Variants in MGAT4C observed in about 807,000 individuals in gnomAD.
MGAT4C encodes MGAT4 family member C, also known as alpha-1,3-mannosyl-glycoprotein 4-beta-N-acetylglucosaminyltransferase C.
In MGAT4C, 19 loss-of-function variants were observed where a neutral mutation model predicts 40.1. That is an observed-to-expected ratio of 0.47 (90% CI 0.33 to 0.70). The LOEUF is 0.70. Ranked by LOEUF, MGAT4C falls within the 30% of genes least tolerant of loss-of-function variation. The pLI is 0.02. For missense variants in MGAT4C, 491 were observed against 563.2 expected (o/e 0.87, Z 1.30); for synonymous variants, 181 against 187.1 (o/e 0.97, Z 0.27).
chr12:86,166,627 G>A (rs1250309436), intron 1 of MGAT4C, among the ~76,000 whole-genome samples: 1 of 152,036 alleles, frequency 6.6e-6, no homozygotes, highest in Non-Finnish European at 1.5e-5. Flanking sequence ...AGATGGGATC[G>A]TGTCACCACA....
chr12:85,979,369 T>A lies in MGAT4C; in HGVS notation c.1357A>T (p.Ile453Leu), dbSNP rs1345521175. Reference sequence around the variant, plus strand: ...GTGACATATATCCTCATACAATGTATATCAAATGGAATTTTTTGATTTACA... The same window carrying A: ...GTGACATATATCCTCATACAATGTAAATCAAATGGAATTTTTTGATTTACA... ...SGVNQKIPFD[I>L]HCMRIYVTKT... is the part of the protein sequence containing the mutation. The change falls in exon 5 of 5, where the codon ATA (isoleucine) becomes TTA (leucine). Residue 453 changes from isoleucine (I) to leucine (L), a missense_variant. Coordinates refer to ENST00000611864, the MANE Select transcript of MGAT4C (RefSeq NM_001351288.2). The A allele has an allele frequency of 9.3e-6, 15 of 1,612,196 alleles. No individual in the cohort carries two copies. The highest frequency in any genetic ancestry group is 1.3e-5 in the Non-Finnish European group (15 of 1,178,740).
At chr12:86,735,178 A>C (rs1305565363) in intron 1 of MGAT4C, among the ~76,000 whole-genome samples, 2 of 152,006 alleles carry the variant, frequency 1.3e-5, no homozygotes, top group African/African-American at 4.8e-5. Context: ...AGTCAAGAAT[A>C]TTTTAAACAC....
intron 4 of MGAT4C, among the ~76,000 whole-genome samples, chr12:86,264,884 C>T (rs993807651): frequency 3.3e-5 from 5 of 152,216 alleles, no homozygotes; most frequent in African/African-American, 1.2e-4. Flanking sequence ...GCAGTGCTGA[C>T]ACATCAGGCC....
At position 85,956,423 on chromosome 12, in the gene MGAT4C, T is replaced by G. The variant is rs1882797945; in HGVS notation, c.*22866A>C. The G allele has an allele frequency of 6.6e-6, 1 of 152,204 alleles. No homozygotes were observed. The highest frequency in any genetic ancestry group is 1.5e-5 in the Non-Finnish European group (1 of 68,032). 9.4% of individuals were successfully genotyped at this position (152,204 alleles called of 1,614,324 possible). On this transcript the variant is annotated 3_prime_UTR_variant, in exon 5 of 5. Transcript: ENST00000611864. ...TTTGTTTGTCCTTAGACAATAGAGA[T>G]AATATATTCATTATGTTTCCATTTT... is the stretch of plus-strand genomic sequence containing the variant.
At chr12:86,739,494 C>T (rs929382193) in intron 1 of MGAT4C, among the ~76,000 whole-genome samples, 9 of 150,350 alleles carry the variant, frequency 6.0e-5, no homozygotes, top group African/African-American at 2.2e-4. Context: ...GTTCTACAAT[C>T]GTAGGTTCAG....
chr12:86,204,058 A>G (rs909258317), intron 1 of MGAT4C, among the ~76,000 whole-genome samples: 2 of 151,372 alleles, frequency 1.3e-5, no homozygotes, highest in Non-Finnish European at 2.9e-5. Context: ...ATAAAGATAA[A>G]TTTACTTCAA....
intron 4 of MGAT4C, among the ~76,000 whole-genome samples, chr12:86,290,295 C>T (rs1953475226): frequency 6.6e-6 from 1 of 152,128 alleles, no homozygotes; most frequent in Admixed American, 6.5e-5. Context: ...CCTCAGCCTA[C>T]CAAAGTGCTG....
chr12:86,119,838 A>G (rs184827518), intron 1 of MGAT4C, among the ~76,000 whole-genome samples: 6 of 151,400 alleles, frequency 4.0e-5, no homozygotes, highest in Admixed American at 3.3e-4. Context: ...AGCTAGGACT[A>G]CAGGCATGCC....
chr12:86,823,757 G>C (rs922452734), intron 1 of MGAT4C, among the ~76,000 whole-genome samples: 5 of 151,216 alleles, frequency 3.3e-5, no homozygotes, highest in African/African-American at 1.2e-4. Context: ...ACAGGTGAAA[G>C]AAAGAAAACA....
At chr12:86,358,942 T>C (rs879302992) in intron 3 of MGAT4C, among the ~76,000 whole-genome samples, 11 of 152,074 alleles carry the variant, frequency 7.2e-5, no homozygotes, top group Non-Finnish European at 1.0e-4. Flanking sequence ...AACAAGGATA[T>C]CCAGGAATTG....
At chr12:86,360,550 C>T (rs1955439113) in intron 3 of MGAT4C, among the ~76,000 whole-genome samples, 1 of 152,142 alleles carries the variant, frequency 6.6e-6, no homozygotes, top group South Asian at 2.1e-4. Flanking sequence ...CAAATTGTCC[C>T]TGTTTGCAGA....
At chr12:86,432,806 G>C (rs545817711) in intron 3 of MGAT4C, among the ~76,000 whole-genome samples, 4 of 152,228 alleles carry the variant, frequency 2.6e-5, no homozygotes, top group African/African-American at 9.6e-5. Flanking sequence ...GAAAGAAAGT[G>C]TAACAAAACT....
Position 85,972,305 on chromosome 12 carries a change from T to G in MGAT4C, c.*6984A>C, listed in dbSNP as rs1282012441. On this transcript the variant is annotated 3_prime_UTR_variant, in exon 5 of 5. Coordinates refer to ENST00000611864, the MANE Select transcript of MGAT4C (RefSeq NM_001351288.2). ...ATAGGATTTTAATTTTTATTCAAAATGGACAACTTATTTATTATGTACTTC... is the reference window on the plus strand; with the variant it reads ...ATAGGATTTTAATTTTTATTCAAAAGGGACAACTTATTTATTATGTACTTC... The G allele has an allele frequency of 6.6e-6, 1 of 151,112 alleles. No homozygotes were observed. The highest frequency in any genetic ancestry group is 1.5e-5 in the Non-Finnish European group (1 of 67,294). The allele number at this position is 151,112 out of a possible 1,614,324, so 9.4% of individuals were successfully genotyped here.
chr12:86,514,987 CAG>C (rs1159222506), intron 2 of MGAT4C, among the ~76,000 whole-genome samples: 1 of 152,038 alleles, frequency 6.6e-6, no homozygotes, highest in African/African-American at 2.4e-5. Context: ...TAAATGAGAA[CAG>C]AGAGAATATA....
chr12:86,015,225 C>T (rs889049251), intron 2 of MGAT4C, among the ~76,000 whole-genome samples: 1 of 148,358 alleles, frequency 6.7e-6, no homozygotes, highest in Admixed American at 6.7e-5. Flanking sequence ...AAAGTAATTG[C>T]GGTTTTTCCG....
intron 2 of MGAT4C, among the ~76,000 whole-genome samples, chr12:86,654,544 T>G (rs1350613999): frequency 6.6e-6 from 1 of 151,908 alleles, no homozygotes; most frequent in Non-Finnish European, 1.5e-5. Flanking sequence ...CGGGACAATA[T>G]CCAACCAGAA....
chr12:86,606,464 C>T (rs1315929423), intron 2 of MGAT4C, among the ~76,000 whole-genome samples: 2 of 152,202 alleles, frequency 1.3e-5, no homozygotes, highest in Non-Finnish European at 2.9e-5. Context: ...CCATATTCTT[C>T]TATCACTCCT....
At chr12:86,078,957 GCAAA>G (rs1225594480) in intron 1 of MGAT4C, among the ~76,000 whole-genome samples, 2 of 152,120 alleles carry the variant, frequency 1.3e-5, no homozygotes, top group Non-Finnish European at 2.9e-5. Context: ...TGTAATACAA[GCAAA>G]CAGTTAAACT....
chr12:86,819,667 A>G (rs973174258), intron 1 of MGAT4C, among the ~76,000 whole-genome samples: 3 of 150,958 alleles, frequency 2.0e-5, no homozygotes, highest in Admixed American at 6.6e-5. Context: ...AATGTACAGT[A>G]GTAAACAATA....
Sources: allele counts gnomAD v4.1 joint callset (sites outside exome capture counted in the v4.1 genomes callset), GRCh38; gene constraint gnomAD v4.1.1; transcripts MANE v1.5; gene names NCBI Gene and HGNC (gene_info 2026-07-23, HGNC 2026-07-21).